The following IL16 variants were observed in gnomAD, a reference collection of about 807,000 sequenced individuals.
IL16 encodes the protein interleukin 16, also known as pro-interleukin-16.
A neutral mutation model predicts 110.1 loss-of-function variants in IL16; 67 were observed. The observed-to-expected ratio is 0.61, with a 90% confidence interval of 0.50 to 0.75. The LOEUF is 0.75. IL16 is among the 30% of genes least tolerant of loss of function. The pLI is 0.00. For missense variants in IL16, 1,545 were observed against 1,655.0 expected (o/e 0.93, Z 1.15); for synonymous variants, 689 against 662.9 (o/e 1.04, Z -0.61).
At chr15:81,253,519 G>A (rs74395719) in intron 2 of IL16, among the ~76,000 whole-genome samples, 2,957 of 152,036 alleles carry the variant, frequency 0.019, 84 homozygotes, top group African/African-American at 0.067. Context: ...TTTTTGTATC[G>A]TATTGAAGAA....
At chr15:81,272,953 AG>A (rs398119019) in intron 5 of IL16, 136 bp from the exon 6 acceptor site, 75 of 447,404 alleles carry the variant, frequency 1.7e-4, no homozygotes, top group Middle Eastern at 6.6e-4. Flanking sequence ...TTAACCTCTG[AG>A]ACCTCTGAGA....
intron 13 of IL16, 126 bp from the exon 14 acceptor site, chr15:81,299,254 G>GTC (rs760782375): frequency 6.5e-7 from 1 of 1,532,470 alleles, no homozygotes; most frequent in Non-Finnish European, 8.9e-7. Flanking sequence ...CCACCTGGGT[G>GTC]TCCCCCACTT....
chr15:81,251,967 C>T (rs573382346), intron 2 of IL16, among the ~76,000 whole-genome samples: 18 of 152,084 alleles, frequency 1.2e-4, no homozygotes, highest in African/African-American at 3.9e-4. Context: ...AGATGAAGAG[C>T]AATGAAAAAC....
chr15:81,250,730 T>C (rs1371172393), intron 2 of IL16, among the ~76,000 whole-genome samples: 2 of 152,234 alleles, frequency 1.3e-5, no homozygotes, highest in Admixed American at 6.5e-5. Context: ...TGCCAACTCT[T>C]GAAAAGGCCA....
chr15:81,243,997 A>G (rs750832580), intron 2 of IL16, among the ~76,000 whole-genome samples: 28 of 152,198 alleles, frequency 1.8e-4, no homozygotes, highest in Admixed American at 5.2e-4. Flanking sequence ...TGTCTCTATA[A>G]AAAATCTTGT....
intron 5 of IL16, among the ~76,000 whole-genome samples, chr15:81,269,878 G>A (rs1030454302): frequency 2.0e-5 from 3 of 152,222 alleles, no homozygotes; most frequent in Admixed American, 1.3e-4. Flanking sequence ...GCCAGTCCCT[G>A]CCAGCTGCCT....
intron 5 of IL16, among the ~76,000 whole-genome samples, chr15:81,271,882 C>T (rs1343781892): frequency 6.6e-6 from 1 of 152,196 alleles, no homozygotes; most frequent in African/African-American, 2.4e-5. Context: ...TGGAGGACAG[C>T]GTGTTGTCTC....
chr15:81,200,501 C>T (rs530419734), intron 1 of IL16, among the ~76,000 whole-genome samples: 22 of 152,068 alleles, frequency 1.4e-4, no homozygotes, highest in Non-Finnish European at 2.8e-4. Flanking sequence ...TCCCGAGTAG[C>T]TGGGACTACA....
rs1368872003 is a variant in IL16, at chr15:81,263,334, C to T, written c.422-2325C>T. Among the ~76,000 whole-genome samples the T allele has an allele frequency of 7.4e-5, 11 of 147,982 alleles. No homozygotes were observed. The Admixed American group carries it at 7.7e-4, about 10-fold the overall frequency. On this transcript the variant is annotated intron_variant, in intron 3 of 18. Transcript: ENST00000683961. ...ATAATCATGACAATATATAGCTCCC[C>T]TTTCAAAAACTATTTTTTTTTGTTT...
chr15:81,198,925 C>A (rs918227480), intron 1 of IL16, among the ~76,000 whole-genome samples: 87 of 149,986 alleles, frequency 5.8e-4, no homozygotes, highest in Admixed American at 4.9e-3. Flanking sequence ...GAGGCTGAGG[C>A]AGGAGAATTG....
At chr15:81,297,851 T>A (rs973976941) in intron 13 of IL16, among the ~76,000 whole-genome samples, 5 of 149,904 alleles carry the variant, frequency 3.3e-5, no homozygotes, top group Non-Finnish European at 7.4e-5. Context: ...CAACTAGTAG[T>A]GGCAGGAAAT....
At chr15:81,230,137 G>C (rs910104674) in intron 2 of IL16, among the ~76,000 whole-genome samples, 2 of 152,160 alleles carry the variant, frequency 1.3e-5, no homozygotes, top group African/African-American at 2.4e-5. Flanking sequence ...TTTGTTCTGG[G>C]GGAGCTTCTA....
chr15:81,257,432 C>T (rs1335162494), intron 2 of IL16, among the ~76,000 whole-genome samples: 1 of 152,112 alleles, frequency 6.6e-6, no homozygotes, highest in Non-Finnish European at 1.5e-5. Context: ...ATGTCAGAAA[C>T]AGGAAACCAT....
Position 81,278,812 on chromosome 15 carries a change from A to G in IL16, c.791-5A>G. The G allele has an allele frequency of 6.3e-7, 1 of 1,598,096 alleles. No homozygotes were observed. The highest frequency in any genetic ancestry group is 1.1e-5 in the South Asian group (1 of 90,788). ...TTCTTAGCTACACTTTCTCTCTCTA[A>G]ACAGGTGATGAAATTCTGGAGCTCA... On this transcript the variant is annotated splice_region_variant and splice_polypyrimidine_tract_variant and intron_variant, in intron 6 of 18. Coordinates refer to ENST00000683961, the MANE Select transcript of IL16 (RefSeq NM_172217.5).
chr15:81,259,886 T>C lies in IL16; in HGVS notation c.421+6T>C. 1 of 1,554,786 alleles carries C rather than the reference T, an allele frequency of 6.4e-7. No homozygotes were observed. The highest frequency in any genetic ancestry group is 8.9e-7 in the Non-Finnish European group (1 of 1,125,864). On this transcript the variant is annotated splice_donor_region_variant and intron_variant, in intron 3 of 18. Transcript: ENST00000683961. ...GGCACGCAGCAACTCAACCAGTAAG[T>C]GTCTTCCCAACATGTCTTCAGGAAC... is the stretch of plus-strand genomic sequence containing the variant.
At chr15:81,263,730 C>A (rs1306333834) in intron 3 of IL16, among the ~76,000 whole-genome samples, 1 of 152,176 alleles carries the variant, frequency 6.6e-6, no homozygotes, top group Non-Finnish European at 1.5e-5. Context: ...TCCAAGTTGG[C>A]AGCCTGTTTG....
chr15:81,295,531 A>C, intron 12 of IL16: 1 of 1,285,348 alleles, frequency 7.8e-7, no homozygotes, highest in African/African-American at 1.5e-5. Context: ...GTGAAATTAA[A>C]TTTCATCCCC....
chr15:81,291,823 C>T (rs144748141), intron 11 of IL16: 50 of 433,764 alleles, frequency 1.2e-4, no homozygotes, highest in African/African-American at 2.2e-4. Context: ...GTGACTTCTT[C>T]GTGTAAGATT....
chr15:81,291,776 T>C (rs371053250), intron 11 of IL16: 1 of 396,598 alleles, frequency 2.5e-6, no homozygotes, highest in Non-Finnish European at 5.2e-6. Flanking sequence ...AAATAGCGGC[T>C]TTCTGCCCTC....
Sources: gnomAD v4.1 joint callset for allele counts (sites outside exome capture counted in the v4.1 genomes callset) on GRCh38, gnomAD v4.1.1 for gene constraint, MANE v1.5 for transcripts, NCBI Gene and HGNC (gene_info 2026-07-23, HGNC 2026-07-21) for gene names.